Variants in PUS7 observed in about 807,000 individuals in gnomAD.
The protein encoded by PUS7 is pseudouridylate synthase 7 homolog.
A neutral mutation model predicts 79.8 loss-of-function variants in PUS7; 48 were observed. That is an observed-to-expected ratio of 0.60 (90% CI 0.48 to 0.76). The LOEUF (loss-of-function observed/expected upper bound fraction) is 0.76. Ranked by LOEUF, PUS7 falls within the 30% of genes least tolerant of loss-of-function variation. The pLI is 0.00. For missense variants in PUS7, 729 were observed against 797.6 expected (o/e 0.91, Z 1.04); for synonymous variants, 286 against 272.2 (o/e 1.05, Z -0.50).
At chr7:105,475,623 G>C (rs937335064) in intron 9 of PUS7, among the ~76,000 whole-genome samples, 3 of 152,138 alleles carry the variant, frequency 2.0e-5, no homozygotes, top group African/African-American at 7.2e-5. Flanking sequence ...CGCCTGACCA[G>C]ATGCTTTGTA....
intron 4 of PUS7, among the ~76,000 whole-genome samples, chr7:105,503,683 A>G (rs931460171): frequency 6.6e-6 from 1 of 152,162 alleles, no homozygotes; most frequent in Non-Finnish European, 1.5e-5. Context: ...CCCAGGCTGG[A>G]GTGCAGTGAT....
intron 9 of PUS7, among the ~76,000 whole-genome samples, chr7:105,475,041 T>C (rs1824032510): frequency 6.6e-6 from 1 of 152,230 alleles, no homozygotes; most frequent in Non-Finnish European, 1.5e-5. Flanking sequence ...TATAACATAT[T>C]GAACAGTTTC....
At chr7:105,516,466 G>C (rs961145270) in intron 1 of PUS7, among the ~76,000 whole-genome samples, 6 of 150,672 alleles carry the variant, frequency 4.0e-5, no homozygotes, top group Admixed American at 1.3e-4. Context: ...TTTTTGAGAC[G>C]GAGTTTTGCT....
At chr7:105,511,113 G>T in intron 1 of PUS7, among the ~76,000 whole-genome samples, 1 of 128,698 alleles carries the variant, frequency 7.8e-6, no homozygotes, top group Admixed American at 7.9e-5. Flanking sequence ...CTTACTGCAA[G>T]CTCCGCCTCC....
At chr7:105,502,215 C>A (rs775293025) in intron 5 of PUS7, among the ~76,000 whole-genome samples, 3 of 152,164 alleles carry the variant, frequency 2.0e-5, no homozygotes, top group African/African-American at 4.8e-5. Flanking sequence ...ACATAAAAGA[C>A]CTAATGCCCC....
chr7:105,477,634 A>G (rs946192940), intron 9 of PUS7, among the ~76,000 whole-genome samples: 14 of 152,030 alleles, frequency 9.2e-5, no homozygotes, highest in Non-Finnish European at 1.9e-4. Context: ...TGTACAATTC[A>G]ATGGCTTTTA....
chr7:105,506,091 T>C (rs1156509494), intron 3 of PUS7, 35 bp from the exon 4 acceptor site: 4 of 1,582,282 alleles, frequency 2.5e-6, no homozygotes, highest in Admixed American at 1.8e-5. Context: ...CAATGAATCA[T>C]ACATAGAATT....
chr7:105,520,699 G>T (rs62486983), intron 1 of PUS7, among the ~76,000 whole-genome samples: 12,002 of 152,104 alleles, frequency 0.079, 506 homozygotes, highest in East Asian at 0.12. Context: ...TCCAGCCTGG[G>T]TGATGGAGTG....
At chr7:105,497,640 T>G in intron 5 of PUS7, among the ~76,000 whole-genome samples, 1 of 152,152 alleles carries the variant, frequency 6.6e-6, no homozygotes, top group Middle Eastern at 3.2e-3. Flanking sequence ...ATGCAATAGG[T>G]ATGTGATAGG....
chr7:105,460,159 C>T (rs1043686159), intron 14 of PUS7, among the ~76,000 whole-genome samples: 3 of 152,008 alleles, frequency 2.0e-5, no homozygotes, highest in Non-Finnish European at 2.9e-5. Context: ...AGGATGGTCT[C>T]GATCTCCTGA....
At chr7:105,477,455 G>A (rs527258134) in intron 9 of PUS7, among the ~76,000 whole-genome samples, 50 of 151,962 alleles carry the variant, frequency 3.3e-4, no homozygotes, top group African/African-American at 1.2e-3. Flanking sequence ...TCACTATGTT[G>A]GCCAGGCTGG....
chr7:105,509,315 T>C (rs1825614762), intron 1 of PUS7, among the ~76,000 whole-genome samples: 1 of 152,070 alleles, frequency 6.6e-6, no homozygotes, highest in Admixed American at 6.6e-5. Context: ...CATACACTTT[T>C]TGTGGGACAG....
chr7:105,499,798 T>C (rs181007382), intron 5 of PUS7, among the ~76,000 whole-genome samples: 1 of 152,152 alleles, frequency 6.6e-6, no homozygotes, highest in East Asian at 1.9e-4. Context: ...CTGGTAGTAA[T>C]ACAGCTAAAA....
At chr7:105,494,268 T>C (rs1824911163) in intron 6 of PUS7, among the ~76,000 whole-genome samples, 2 of 152,232 alleles carry the variant, frequency 1.3e-5, no homozygotes, top group African/African-American at 4.8e-5. Flanking sequence ...GGAATTTTCA[T>C]CTTGAATTAT....
Position 105,468,448 on chromosome 7 carries a change from G to T in PUS7, c.1414C>A (p.Arg472Ser). ...SAFGIIPRNN[R>S]LMYIHSYQSY... ...TGGTAGCTATGAATATACATTAAGC[G>T]ATTATTTCTGGGTATCTGGAGGGAA... Residue 472 changes from arginine (R) to serine (S), a missense_variant, in exon 12 of 16, where the codon CGC (arginine) becomes AGC (serine). Arg to Ser is a moderately radical substitution (Grantham distance 110). Coordinates refer to ENST00000469408, the MANE Select transcript of PUS7 (RefSeq NM_019042.5). 1 of 1,603,232 alleles carries T rather than the reference G, an allele frequency of 6.2e-7. No homozygotes were observed. Among genetic ancestry groups the T allele is most frequent in the South Asian group, 1.1e-5 (1 of 89,026 alleles).
chr7:105,468,266 A>G, intron 12 of PUS7, 71 bp downstream of exon 12: 2 of 1,558,740 alleles, frequency 1.3e-6, no homozygotes, highest in Non-Finnish European at 8.7e-7. Flanking sequence ...GCCAGGATGG[A>G]TTTTAAAGCC....
chr7:105,502,140 G>A (rs1249727059), intron 5 of PUS7, among the ~76,000 whole-genome samples: 12 of 151,946 alleles, frequency 7.9e-5, no homozygotes, highest in Admixed American at 7.2e-4. Flanking sequence ...CTGCTCTTCA[G>A]GGAACATATC....
chr7:105,519,361 G>C (rs1826017698), intron 1 of PUS7, among the ~76,000 whole-genome samples: 1 of 151,950 alleles, frequency 6.6e-6, no homozygotes, highest in Non-Finnish European at 1.5e-5. Context: ...AGCCTCCCGA[G>C]TAGCTGGGAT....
intron 15 of PUS7, 145 bp from the exon 16 acceptor site, chr7:105,458,071 T>C: frequency 2.3e-6 from 2 of 880,080 alleles, no homozygotes; most frequent in South Asian, 4.6e-5. Flanking sequence ...AATGAGACCA[T>C]GGAAGTAAGA....
Sources: gnomAD v4.1 joint callset for allele counts (sites outside exome capture counted in the v4.1 genomes callset) on GRCh38, gnomAD v4.1.1 for gene constraint, MANE v1.5 for transcripts, NCBI Gene and HGNC (gene_info 2026-07-23, HGNC 2026-07-21) for gene names.